USP54: variants seen among roughly 807,000 people sequenced by gnomAD.
USP54 encodes the protein ubiquitin carboxyl-terminal hydrolase 54.
USP54 carries 87 observed loss-of-function variants against 170.5 expected under a neutral mutation model. That is an observed-to-expected ratio of 0.51 (90% confidence interval 0.43 to 0.61). USP54 has a LOEUF of 0.61. Among genes scored for constraint, USP54 ranks in the 20% least tolerant of loss-of-function variants. The pLI is 0.00. For missense variants in USP54, 1,786 were observed against 2,047.8 expected (o/e 0.87, Z 2.47); for synonymous variants, 655 against 742.8 (o/e 0.88, Z 1.92).
chr10:73,520,088 TA>T, intron 18 of USP54, 96 bp from the exon 19 acceptor site: 1 of 1,495,344 alleles, frequency 6.7e-7, no homozygotes, highest in South Asian at 1.3e-5. Flanking sequence ...AGATATGCAG[TA>T]AAACTCAAAA....
intron 1 of USP54, among the ~76,000 whole-genome samples, chr10:73,624,249 G>A (rs2081336656): frequency 7.0e-6 from 1 of 142,134 alleles, no homozygotes; most frequent in African/African-American, 2.6e-5. Context: ...CCAGACTGGA[G>A]TGCAATGGTG....
intron 4 of USP54, 126 bp from the exon 5 acceptor site, chr10:73,545,798 G>T: frequency 9.4e-7 from 1 of 1,061,272 alleles, no homozygotes; most frequent in Non-Finnish European, 1.3e-6. Context: ...CCCATGGGTT[G>T]ACATGCTTGC....
At chr10:73,523,110 T>G (rs2062180067) in intron 17 of USP54, among the ~76,000 whole-genome samples, 1 of 152,186 alleles carries the variant, frequency 6.6e-6, no homozygotes, top group Non-Finnish European at 1.5e-5. Context: ...TGCAAATTGT[T>G]TGAGGTTACA....
At chr10:73,609,236 G>A (rs1328821989) in intron 1 of USP54, among the ~76,000 whole-genome samples, 1 of 152,110 alleles carries the variant, frequency 6.6e-6, no homozygotes, top group Non-Finnish European at 1.5e-5. Context: ...TGGCAAAAAA[G>A]AACCAAAGAA....
chr10:73,529,622 A>C, intron 15 of USP54, 58 bp downstream of exon 15: 3 of 1,596,130 alleles, frequency 1.9e-6, no homozygotes, highest in Non-Finnish European at 1.7e-6. Flanking sequence ...GAAAGCCCCA[A>C]GTAGGTGGCT....
chr10:73,624,192 A>ATATATATG (rs1452923663), intron 1 of USP54, among the ~76,000 whole-genome samples: 16 of 109,030 alleles, frequency 1.5e-4, no homozygotes, highest in Non-Finnish European at 2.8e-4. Flanking sequence ...ATATATATAT[A>ATATATATG]TATGTATTTT....
chr10:73,504,815 G>C, intron 22 of USP54, 35 bp downstream of exon 22: 1 of 1,613,944 alleles, frequency 6.2e-7, no homozygotes. Context: ...CAAGGAGGAG[G>C]GTGCTCTGAA....
intron 1 of USP54, among the ~76,000 whole-genome samples, chr10:73,581,975 A>G (rs1385131976): frequency 1.3e-5 from 2 of 152,234 alleles, no homozygotes; most frequent in Non-Finnish European, 2.9e-5. Context: ...TGATTCTTTC[A>G]CAAGTATACA....
At chr10:73,602,552 CA>C (rs1369385054) in intron 1 of USP54, among the ~76,000 whole-genome samples, 95 of 135,496 alleles carry the variant, frequency 7.0e-4, no homozygotes, top group South Asian at 9.2e-4. Context: ...GACTCTGATT[CA>C]AAAAAAAAAA....
intron 17 of USP54, 60 bp downstream of exon 17, chr10:73,523,522 GT>G: frequency 6.8e-7 from 1 of 1,466,208 alleles, no homozygotes; most frequent in Non-Finnish European, 9.1e-7. Context: ...AAGCTTAGAT[GT>G]TTTTTTCTAC....
chr10:73,540,541 G>C (rs1449145123), intron 9 of USP54, among the ~76,000 whole-genome samples: 1 of 152,178 alleles, frequency 6.6e-6, no homozygotes, highest in Non-Finnish European at 1.5e-5. Flanking sequence ...CTGCACTCCA[G>C]CCTGGGCGAC....
chr10:73,566,123 G>A lies in USP54; in HGVS notation c.240+5298C>T, dbSNP rs543135932. ...CGCATGCCTGTAATCCCAGCTACTCGGGAGGATGAGGCAGAAGAATCACTT... is the reference window on the plus strand; with the variant it reads ...CGCATGCCTGTAATCCCAGCTACTCAGGAGGATGAGGCAGAAGAATCACTT... On this transcript the variant is annotated intron_variant, in intron 4 of 23. Transcript: ENST00000687698. Among the ~76,000 whole-genome samples the A allele has an allele frequency of 2.6e-5, 4 of 152,260 alleles. No homozygotes were observed. In the South Asian group the frequency reaches 6.2e-4, roughly 24 times the overall value.
intron 1 of USP54, among the ~76,000 whole-genome samples, chr10:73,624,187 T>C (rs2081314305): frequency 8.1e-6 from 1 of 123,664 alleles, no homozygotes; most frequent in African/African-American, 2.9e-5. Context: ...TATATATATA[T>C]ATATATATGT....
intron 11 of USP54, among the ~76,000 whole-genome samples, chr10:73,535,716 T>G (rs1329892621): frequency 6.6e-6 from 1 of 152,128 alleles, no homozygotes; most frequent in Admixed American, 6.5e-5. Context: ...ACAAGGAATT[T>G]TTCCCCCCTC....
At chr10:73,508,497 C>G (rs1359130121) in intron 20 of USP54, among the ~76,000 whole-genome samples, 3 of 151,706 alleles carry the variant, frequency 2.0e-5, no homozygotes, top group Admixed American at 6.6e-5. Flanking sequence ...AAGATGATGT[C>G]TACCCTCTCA....
chr10:73,549,779 T>A (rs2068786589), intron 4 of USP54, among the ~76,000 whole-genome samples: 1 of 152,180 alleles, frequency 6.6e-6, no homozygotes, highest in Admixed American at 6.5e-5. Context: ...AGCAGACAAA[T>A]ACAGCAATCA....
chr10:73,587,114 G>A (rs1004703627), intron 1 of USP54, among the ~76,000 whole-genome samples: 1 of 152,116 alleles, frequency 6.6e-6, no homozygotes, highest in Non-Finnish European at 1.5e-5. Flanking sequence ...AAGATCTAAA[G>A]TTGTATAATT....
intron 1 of USP54, among the ~76,000 whole-genome samples, chr10:73,619,926 C>G (rs905851702): frequency 2.0e-5 from 3 of 150,524 alleles, no homozygotes; most frequent in African/African-American, 7.5e-5. Context: ...TTAAATATAA[C>G]TTGGCAATGT....
At chr10:73,607,057 C>A (rs1696089961) in intron 1 of USP54, among the ~76,000 whole-genome samples, 1 of 151,852 alleles carries the variant, frequency 6.6e-6, no homozygotes, top group African/African-American at 2.4e-5. Flanking sequence ...TGCCTGTAAT[C>A]CCAGCACTTT....
Sources: gnomAD v4.1 joint callset for allele counts (sites outside exome capture counted in the v4.1 genomes callset) on GRCh38, gnomAD v4.1.1 for gene constraint, MANE v1.5 for transcripts, NCBI Gene and HGNC (gene_info 2026-07-23, HGNC 2026-07-21) for gene names.